PSD3: variants seen among roughly 807,000 people sequenced by gnomAD.
PSD3 encodes the protein PH and SEC7 domain-containing protein 3.
In PSD3, 49 loss-of-function variants were observed where a neutral mutation model predicts 105.5. The observed-to-expected ratio is 0.46, with a 90% CI of 0.37 to 0.59. The LOEUF is 0.59. Among genes scored for constraint, PSD3 ranks in the 20% least tolerant of loss-of-function variants. The pLI, the probability that PSD3 is intolerant of heterozygous loss-of-function variation, is 0.00. For missense variants in PSD3, 1,561 were observed against 1,263.8 expected (o/e 1.24, Z -3.57); for synonymous variants, 557 against 457.8 (o/e 1.22, Z -2.77).
chr8:18,891,980 C>G (rs1286774037), intron 2 of PSD3, among the ~76,000 whole-genome samples: 1 of 152,158 alleles, frequency 6.6e-6, no homozygotes, highest in East Asian at 1.9e-4. Context: ...TAACCCAACA[C>G]ACAGTTAAAA....
chr8:18,653,415 T>A (rs897196080), intron 10 of PSD3, among the ~76,000 whole-genome samples: 4 of 151,762 alleles, frequency 2.6e-5, no homozygotes, highest in Non-Finnish European at 5.9e-5. Flanking sequence ...GCATCAGGCA[T>A]CAATTGAAGA....
intron 9 of PSD3, among the ~76,000 whole-genome samples, chr8:18,668,292 C>CA (rs1343443035): frequency 6.6e-6 from 1 of 152,246 alleles, no homozygotes; most frequent in African/African-American, 2.4e-5. Flanking sequence ...AATCACTGAA[C>CA]AAACACGGCA....
At chr8:18,788,461 G>A (rs767869509) in intron 8 of PSD3, among the ~76,000 whole-genome samples, 9 of 152,112 alleles carry the variant, frequency 5.9e-5, no homozygotes, top group African/African-American at 1.7e-4. Flanking sequence ...TCTGACCATC[G>A]CCTAACTTAA....
intron 12 of PSD3, among the ~76,000 whole-genome samples, chr8:18,590,953 A>G (rs1803558389): frequency 6.6e-6 from 1 of 152,318 alleles, no homozygotes; most frequent in East Asian, 1.9e-4. Flanking sequence ...GTGTTATACT[A>G]TGATTCCACA....
At chr8:18,562,320 G>T (rs1386420591) in intron 14 of PSD3, among the ~76,000 whole-genome samples, 1 of 152,206 alleles carries the variant, frequency 6.6e-6, no homozygotes, top group Non-Finnish European at 1.5e-5. Context: ...GATCCAGAGA[G>T]TTCAAGTAAT....
intron 9 of PSD3, among the ~76,000 whole-genome samples, chr8:18,760,699 G>C (rs1013201827): frequency 2.6e-4 from 39 of 152,178 alleles, no homozygotes; most frequent in Non-Finnish European, 2.9e-5. Context: ...TTATTCTACA[G>C]AGTGAAGAGT....
intron 9 of PSD3, among the ~76,000 whole-genome samples, chr8:18,660,162 A>G (rs1809240987): frequency 6.6e-6 from 1 of 152,186 alleles, no homozygotes; most frequent in Non-Finnish European, 1.5e-5. Flanking sequence ...TGGGCTCTAA[A>G]TGCAATCACA....
intron 9 of PSD3, among the ~76,000 whole-genome samples, chr8:18,757,064 A>G (rs1331029466): frequency 6.8e-6 from 1 of 147,520 alleles, no homozygotes; most frequent in African/African-American, 2.5e-5. Context: ...TTGCTTGGCC[A>G]AGGTAAGATA....
At chr8:18,577,998 G>T (rs1245603337) in intron 12 of PSD3, among the ~76,000 whole-genome samples, 1 of 151,860 alleles carries the variant, frequency 6.6e-6, no homozygotes, top group South Asian at 2.1e-4. Context: ...TCTTTGATAG[G>T]TATAGAACTG....
chr8:18,961,785 A>G (rs1482350493), intron 1 of PSD3, among the ~76,000 whole-genome samples: 1 of 152,196 alleles, frequency 6.6e-6, no homozygotes. Flanking sequence ...TCCTGAGTCA[A>G]GAACATGATA....
Position 18,727,103 on chromosome 8 carries a change from C to T in PSD3, c.2172+38346G>A, listed in dbSNP as rs10110547. ...CTGTAATCCCAGAACTTTGGGAGGC[C>T]GAAGTGGGTGAACCATGAGGACAGG... On this transcript the variant is annotated intron_variant, in intron 9 of 15. Transcript: ENST00000327040. Among the ~76,000 whole-genome samples, 1,345 of 151,952 alleles carry T rather than the reference C, an allele frequency of 8.9e-3. 26 individuals carry two copies. The highest frequency in any genetic ancestry group is 0.031 in the African/African-American group (1,290 of 41,440).
At chr8:18,934,992 C>T (rs1822013147) in intron 2 of PSD3, among the ~76,000 whole-genome samples, 1 of 152,172 alleles carries the variant, frequency 6.6e-6, no homozygotes. Context: ...GTCAGGCAAA[C>T]TTGCCTTATA....
chr8:18,686,458 A>G lies in PSD3; in HGVS notation c.2173-30773T>C, dbSNP rs997267965. 2.6e-5 allele frequency among the ~76,000 whole-genome samples: 4 copies of G among 152,148 alleles called. 1 individual carries two copies. The highest frequency in any genetic ancestry group is 4.1e-4 in the South Asian group (2 of 4,828). On this transcript the variant is annotated intron_variant, in intron 9 of 15. Transcript: ENST00000327040. ...GAGCTTTTCTGCAAGTCAGGGAGAGAAAGTTTTCTTCTGCTCCTGCCTTTT... is the reference window on the plus strand; with the variant it reads ...GAGCTTTTCTGCAAGTCAGGGAGAGGAAGTTTTCTTCTGCTCCTGCCTTTT...
At chr8:18,823,429 C>T (rs1052021507) in intron 4 of PSD3, among the ~76,000 whole-genome samples, 3 of 152,064 alleles carry the variant, frequency 2.0e-5, no homozygotes, top group African/African-American at 7.2e-5. Context: ...AGTAAAGTGG[C>T]AATAATAGCA....
chr8:18,886,938 A>C (rs1392542039), intron 2 of PSD3: 1 of 152,118 alleles, frequency 6.6e-6, no homozygotes, highest in African/African-American at 2.4e-5. Context: ...TAGCTTACCG[A>C]AAACAGCCAC....
At chr8:18,757,439 G>A (rs1184190458) in intron 9 of PSD3, among the ~76,000 whole-genome samples, 1 of 152,078 alleles carries the variant, frequency 6.6e-6, no homozygotes, top group Non-Finnish European at 1.5e-5. Flanking sequence ...ATTCCAGCCT[G>A]GGCAACAAGG....
intron 11 of PSD3, among the ~76,000 whole-genome samples, chr8:18,618,527 T>C (rs1805866624): frequency 6.6e-6 from 1 of 151,106 alleles, no homozygotes; most frequent in South Asian, 2.1e-4. Context: ...ATATTTTACT[T>C]ATTAAACATT....
chr8:18,665,459 T>A lies in PSD3; in HGVS notation c.2173-9774A>T, dbSNP rs575042037. ...AATCTCATGGTAAAACATGAACAGATGAGGATTTGTATGGATGAGCAAAGA... is the reference window on the plus strand; with the variant it reads ...AATCTCATGGTAAAACATGAACAGAAGAGGATTTGTATGGATGAGCAAAGA... On this transcript the variant is annotated intron_variant, in intron 9 of 15. Transcript: ENST00000327040. 3.3e-5 allele frequency among the ~76,000 whole-genome samples: 5 copies of A among 152,268 alleles called. No individual in the cohort carries two copies. The South Asian group carries it at 1.0e-3, about 32-fold the overall frequency.
chr8:18,690,044 C>T (rs964434913), intron 9 of PSD3, among the ~76,000 whole-genome samples: 1 of 151,944 alleles, frequency 6.6e-6, no homozygotes, highest in Admixed American at 6.6e-5. Context: ...CTAAATATTC[C>T]ACGAACACAT....
Sources: allele counts gnomAD v4.1 joint callset (sites outside exome capture counted in the v4.1 genomes callset), GRCh38; gene constraint gnomAD v4.1.1; transcripts MANE v1.5; gene names NCBI Gene and HGNC (gene_info 2026-07-23, HGNC 2026-07-21).